SLC20A2: variants seen among roughly 807,000 people sequenced by gnomAD.
SLC20A2 encodes sodium-dependent phosphate transporter 2.
A neutral mutation model predicts 61.0 loss-of-function variants in SLC20A2; 30 were observed. That is an observed-to-expected ratio of 0.49 (90% CI 0.37 to 0.67). The LOEUF (loss-of-function observed/expected upper bound fraction) is 0.67. SLC20A2 is among the 30% of genes least tolerant of loss of function. The pLI is 0.00. For missense variants in SLC20A2, 626 were observed against 866.4 expected, an observed-to-expected ratio of 0.72 and a Z score of 3.48; for synonymous variants, 351 against 353.3, an observed-to-expected ratio of 0.99 and a Z score of 0.07.
At chr8:42,461,610 C>T (rs989956924) in intron 4 of SLC20A2, among the ~76,000 whole-genome samples, 4 of 151,930 alleles carry the variant, frequency 2.6e-5, no homozygotes, top group East Asian at 1.9e-4. Context: ...ACCACCATGC[C>T]GGGCTAACTT....
intron 5 of SLC20A2, among the ~76,000 whole-genome samples, chr8:42,454,003 A>AT (rs1420218483): frequency 5.9e-5 from 9 of 151,682 alleles, no homozygotes; most frequent in South Asian, 4.2e-4. Flanking sequence ...TTTTGGTATC[A>AT]TTTTTTTTGT....
intron 1 of SLC20A2, among the ~76,000 whole-genome samples, chr8:42,490,740 C>A (rs184739089): frequency 2.6e-5 from 4 of 152,092 alleles, no homozygotes; most frequent in Non-Finnish European, 5.9e-5. Context: ...AAATCAGGCC[C>A]GAGAGAAAGA....
rs758876698 is a variant in SLC20A2 at position 42,430,275 on chromosome 8, TTAAC to T, written c.1524-30_1524-27del. ...CTGGGAAAAATAAAAAGAGAAAAGA[TTAAC>T]TATATATGCAAGCGGCAATGTACAT... On this transcript the variant is annotated intron_variant, in intron 8 of 10. Coordinates refer to ENST00000520262, the MANE Select transcript of SLC20A2 (RefSeq NM_001257180.2). The T allele has an allele frequency of 1.9e-6, 3 of 1,590,334 alleles. No individual in the cohort carries two copies. In the South Asian group the frequency reaches 3.4e-5, roughly 18 times the overall value.
Position 42,437,712 on chromosome 8 carries a change from G to A in SLC20A2, c.935-135C>T, listed in dbSNP as rs891262176. On this transcript the variant is annotated intron_variant, in intron 7 of 10. Coordinates refer to ENST00000520262, the MANE Select transcript of SLC20A2 (RefSeq NM_001257180.2). The surrounding 1 kb of genome is among the most constrained non-coding windows in gnomAD (Gnocchi z 6.4). ...CGGCTCACTGCAACCTTCGCCTCCC[G>A]GGTTCAAGCGATTCTCCCTCAGCCT... is the stretch of plus-strand genomic sequence containing the variant. The A allele has an allele frequency of 6.1e-6, 4 of 653,734 alleles. No homozygotes were observed. The highest frequency in any genetic ancestry group is 3.7e-5 in the Admixed American group (1 of 27,318). 40.5% of individuals were successfully genotyped at this position (653,734 alleles called of 1,614,324 possible). A position where few individuals can be genotyped will look rare whatever the true frequency, so the allele number is the denominator to read the frequency against.
intron 4 of SLC20A2, among the ~76,000 whole-genome samples, chr8:42,461,398 G>A (rs1421063730): frequency 1.3e-5 from 2 of 152,024 alleles, no homozygotes; most frequent in Non-Finnish European, 2.9e-5. Context: ...ACTTCTGCAG[G>A]TGGACAGCCC....
intron 1 of SLC20A2, among the ~76,000 whole-genome samples, chr8:42,532,082 C>T (rs181020766): frequency 3.3e-5 from 5 of 152,056 alleles, no homozygotes; most frequent in South Asian, 4.1e-4. Flanking sequence ...CCAACTCAGC[C>T]TCCCAAAGTG....
intron 1 of SLC20A2, among the ~76,000 whole-genome samples, chr8:42,534,403 C>T (rs946839941): frequency 1.3e-5 from 2 of 152,190 alleles, no homozygotes; most frequent in Non-Finnish European, 1.5e-5. Flanking sequence ...TACATTTCTA[C>T]TACCCATGTT....
intron 5 of SLC20A2, among the ~76,000 whole-genome samples, chr8:42,453,446 A>C (rs1475778121): frequency 6.6e-6 from 1 of 152,220 alleles, no homozygotes; most frequent in African/African-American, 2.4e-5. Flanking sequence ...AAGCCTAAGA[A>C]ATAATCAACT....
upstream of SLC20A2, among the ~76,000 whole-genome samples, chr8:42,505,727 G>A (rs908963496): frequency 9.9e-5 from 15 of 151,680 alleles, no homozygotes; most frequent in Admixed American, 5.3e-4. Context: ...GCGAAACCCC[G>A]TCTCTACAAA....
intron 1 of SLC20A2, among the ~76,000 whole-genome samples, chr8:42,523,613 G>A (rs922468737): frequency 3.3e-5 from 5 of 152,184 alleles, no homozygotes; most frequent in African/African-American, 1.2e-4. Context: ...TGTGCTGCTT[G>A]AAGAAAATAG....
intron 10 of SLC20A2, among the ~76,000 whole-genome samples, chr8:42,420,130 G>A (rs1482819259): frequency 6.6e-6 from 1 of 151,438 alleles, no homozygotes; most frequent in East Asian, 1.9e-4. Flanking sequence ...AGGTTGCAGT[G>A]AGCCGAGATG....
intron 2 of SLC20A2, among the ~76,000 whole-genome samples, chr8:42,467,523 G>A (rs1807270123): frequency 6.6e-6 from 1 of 152,200 alleles, no homozygotes. Context: ...CTGGTTGCCT[G>A]GCAGCAGCAG....
intron 3 of SLC20A2, among the ~76,000 whole-genome samples, chr8:42,464,255 G>A (rs1229476497): frequency 1.3e-5 from 2 of 149,196 alleles, no homozygotes; most frequent in South Asian, 2.1e-4. Flanking sequence ...CTACAAGTGC[G>A]CACCATCACA....
At chr8:42,490,032 A>G (rs938482696) in intron 1 of SLC20A2, among the ~76,000 whole-genome samples, 2 of 152,198 alleles carry the variant, frequency 1.3e-5, no homozygotes, top group African/African-American at 4.8e-5. Flanking sequence ...AGAAAAATAT[A>G]CTTTTATATC....
At chr8:42,459,253 A>C (rs1393779132) in intron 5 of SLC20A2, among the ~76,000 whole-genome samples, 10 of 151,554 alleles carry the variant, frequency 6.6e-5, no homozygotes, top group African/African-American at 2.2e-4. Context: ...AAAAAAAAAA[A>C]AAAAAACATA....
At position 42,521,958 on chromosome 8, in the gene SLC20A2, TGAGTA is replaced by T. The variant is rs1239056279; in HGVS notation, c.-265+19858_-265+19862del. The stretch of plus-strand genomic sequence containing the variant: ...AATTTTCTGGGTTTTTGGGGAAAAC[TGAGTA>T]GAGGGTAAACAGGACCTCTCCGTAC... On this transcript the variant is annotated intron_variant, in intron 1 of 10. Coordinates refer to the SLC20A2 transcript ENST00000342228. 1.6e-5 allele frequency among the ~76,000 whole-genome samples: 2 copies of T among 121,504 alleles called. 1 individual carries two copies. The highest frequency in any genetic ancestry group is 4.0e-5 in the Non-Finnish European group (2 of 50,578). 79.7% of individuals were successfully genotyped at this position (121,504 alleles called of 152,430 possible).
At chr8:42,428,064 C>G (rs1445904643) in intron 10 of SLC20A2, among the ~76,000 whole-genome samples, 1 of 152,078 alleles carries the variant, frequency 6.6e-6, no homozygotes, top group Non-Finnish European at 1.5e-5. Flanking sequence ...GACCGGGGCT[C>G]TGGTCCTCCC....
intron 10 of SLC20A2, among the ~76,000 whole-genome samples, chr8:42,427,527 A>G (rs983337673): frequency 6.6e-6 from 1 of 152,208 alleles, no homozygotes; most frequent in Admixed American, 6.5e-5. Context: ...GGTGTTGAGC[A>G]CGGTACCCAG....
chr8:42,485,328 C>T (rs1808888254), intron 1 of SLC20A2, among the ~76,000 whole-genome samples: 1 of 152,132 alleles, frequency 6.6e-6, no homozygotes, highest in African/African-American at 2.4e-5. Context: ...GCTCCCTGTG[C>T]CTGCATTTTT....
Sources: gnomAD v4.1 joint callset for allele counts (sites outside exome capture counted in the v4.1 genomes callset) on GRCh38, gnomAD v4.1.1 for gene constraint, Gnocchi (gnomAD v3.1) non-coding constraint, MANE v1.5 for transcripts, NCBI Gene and HGNC (gene_info 2026-07-23, HGNC 2026-07-21) for gene names.